TRAPPC9: variants seen among roughly 807,000 people sequenced by gnomAD.
TRAPPC9 encodes the protein trafficking protein particle complex subunit 9, also known as IKK2 binding protein.
Under a neutral mutation model 124.0 loss-of-function variants are expected in TRAPPC9, and 83 were observed. That is an observed-to-expected ratio of 0.67 (90% CI 0.56 to 0.80). The LOEUF (loss-of-function observed/expected upper bound fraction) is 0.80. TRAPPC9 is among the 30% of genes least tolerant of loss of function. The pLI is 0.00. For missense variants in TRAPPC9, 1,302 were observed against 1,508.3 expected, an observed-to-expected ratio of 0.86 and a Z score of 2.27; for synonymous variants, 638 against 617.5, an observed-to-expected ratio of 1.03 and a Z score of -0.49.
chr8:140,267,308 C>T (rs1024492919), intron 15 of TRAPPC9, among the ~76,000 whole-genome samples: 2 of 152,202 alleles, frequency 1.3e-5, no homozygotes, highest in East Asian at 1.9e-4. Context: ...GGCATGCAAA[C>T]GTGGTCTGCA....
intron 17 of TRAPPC9, among the ~76,000 whole-genome samples, chr8:140,116,452 T>A (rs1450282521): frequency 6.6e-6 from 1 of 152,202 alleles, no homozygotes; most frequent in East Asian, 1.9e-4. Flanking sequence ...AGCAGCCAAC[T>A]AAGCACTCAT....
intron 19 of TRAPPC9, among the ~76,000 whole-genome samples, chr8:139,923,216 T>G (rs1832615271): frequency 6.6e-6 from 1 of 152,208 alleles, no homozygotes; most frequent in Non-Finnish European, 1.5e-5. Flanking sequence ...TAAGTGGAGC[T>G]GAACCTATAC....
intron 21 of TRAPPC9, among the ~76,000 whole-genome samples, chr8:139,785,174 G>C (rs1173944996): frequency 6.6e-6 from 1 of 152,200 alleles, no homozygotes; most frequent in African/African-American, 2.4e-5. Flanking sequence ...ATTCAGTCAA[G>C]AAAAGACTGT....
intron 17 of TRAPPC9, among the ~76,000 whole-genome samples, chr8:140,204,052 T>C (rs1051239887): frequency 6.6e-6 from 1 of 152,090 alleles, no homozygotes; most frequent in South Asian, 2.1e-4. Flanking sequence ...TGACCTCCAA[T>C]GTTGGAGGTG....
At chr8:140,009,317 G>C (rs1838969821) in intron 18 of TRAPPC9, among the ~76,000 whole-genome samples, 2 of 152,206 alleles carry the variant, frequency 1.3e-5, no homozygotes, top group African/African-American at 4.8e-5. Context: ...GGACAAATGA[G>C]CACTGGCCCA....
At position 139,926,203 on chromosome 8, in the gene TRAPPC9, T is replaced by C. The variant is rs569114652; in HGVS notation, c.2811-15903A>G. ...GCAGCAGAGGCCTGGGGAGGTGAGCTTGAGGAGCTGAGATGTGACCTCCCA... is the reference window on the plus strand; with the variant it reads ...GCAGCAGAGGCCTGGGGAGGTGAGCCTGAGGAGCTGAGATGTGACCTCCCA... On this transcript the variant is annotated intron_variant, in intron 19 of 22. Transcript: ENST00000438773. Among the ~76,000 whole-genome samples the C allele has an allele frequency of 3.4e-3, 522 of 152,262 alleles. 2 individuals carry two copies. Among genetic ancestry groups the C allele is most frequent in the African/African-American group, 0.011 (469 of 41,546 alleles).
At chr8:140,299,795 A>AGT (rs2065914980) in intron 11 of TRAPPC9, among the ~76,000 whole-genome samples, 1 of 152,236 alleles carries the variant, frequency 6.6e-6, no homozygotes, top group Non-Finnish European at 1.5e-5. Context: ...GCTCAGACAC[A>AGT]GGAAAGCTCA....
At chr8:140,383,333 GAGA>G (rs1190011691) in intron 7 of TRAPPC9, among the ~76,000 whole-genome samples, 3 of 152,228 alleles carry the variant, frequency 2.0e-5, no homozygotes, top group Admixed American at 6.5e-5. Context: ...GATGAGTTGA[GAGA>G]AGAAGGCTTC....
intron 8 of TRAPPC9, among the ~76,000 whole-genome samples, chr8:140,368,075 GT>G (rs1225460504): frequency 3.3e-5 from 5 of 152,156 alleles, no homozygotes; most frequent in Admixed American, 2.0e-4. Flanking sequence ...CCCCGTCATG[GT>G]TTTTGGGGTT....
intron 18 of TRAPPC9, among the ~76,000 whole-genome samples, chr8:140,022,273 G>T (rs530476852): frequency 3.3e-5 from 5 of 152,260 alleles, no homozygotes; most frequent in Admixed American, 3.3e-4. Context: ...ACAGGGCTTG[G>T]GGACCACTTA....
At chr8:140,264,616 G>C (rs925470527) in intron 15 of TRAPPC9, among the ~76,000 whole-genome samples, 1 of 145,640 alleles carries the variant, frequency 6.9e-6, no homozygotes, top group Admixed American at 6.9e-5. Flanking sequence ...GGAAGGGAGA[G>C]AGAGAGAGAG....
chr8:140,056,688 A>G (rs185480627), intron 17 of TRAPPC9, among the ~76,000 whole-genome samples: 21 of 152,276 alleles, frequency 1.4e-4, no homozygotes, highest in African/African-American at 4.8e-4. Context: ...ATTTAAATTT[A>G]ATATCTAAAA....
At chr8:139,855,901 C>A (rs543426766) in intron 21 of TRAPPC9, among the ~76,000 whole-genome samples, 5 of 152,238 alleles carry the variant, frequency 3.3e-5, no homozygotes, top group African/African-American at 1.2e-4. Context: ...GGGTCCCCCA[C>A]AGAACTAGGG....
intron 19 of TRAPPC9, chr8:139,934,016 A>G (rs1002012817): frequency 6.6e-6 from 1 of 152,194 alleles, no homozygotes; most frequent in Non-Finnish European, 1.5e-5. Flanking sequence ...CATCCTGTCC[A>G]TATTTCTCCA....
chr8:139,980,710 C>T (rs771593862), intron 19 of TRAPPC9, among the ~76,000 whole-genome samples: 1 of 152,220 alleles, frequency 6.6e-6, no homozygotes, highest in African/African-American at 2.4e-5. Context: ...CAGCTCGGGG[C>T]GGAGTTGAGG....
intron 17 of TRAPPC9, among the ~76,000 whole-genome samples, chr8:140,177,553 C>T (rs1461531671): frequency 1.3e-5 from 2 of 151,960 alleles, no homozygotes. Flanking sequence ...ACTGTAGCTT[C>T]GTTGTCTGGG....
intron 21 of TRAPPC9, among the ~76,000 whole-genome samples, chr8:139,733,273 G>C (rs1347896845): frequency 6.6e-6 from 1 of 152,110 alleles, no homozygotes; most frequent in African/African-American, 2.4e-5. Flanking sequence ...AGGAGCCCTG[G>C]GTGGCTGGAG....
At chr8:140,373,741 T>G (rs911724901) in intron 7 of TRAPPC9, among the ~76,000 whole-genome samples, 1 of 152,260 alleles carries the variant, frequency 6.6e-6, no homozygotes, top group Non-Finnish European at 1.5e-5. Flanking sequence ...TTAGACGTTG[T>G]GGTGGCTTTA....
At position 140,165,575 on chromosome 8, in the gene TRAPPC9, G is replaced by GGGGAAGGGAAGGGGGAAGGA. The variant is rs562924361; in HGVS notation, c.2556+55864_2556+55883dup. On this transcript the variant is annotated intron_variant, in intron 17 of 22. Coordinates refer to ENST00000438773, the MANE Select transcript of TRAPPC9 (RefSeq NM_001160372.4). The stretch of plus-strand genomic sequence containing the variant: ...ATGAAAGAAAGGGAAGGGAAGAGGA[G>GGGGAAGGGAAGGGGGAAGGA]GGGAAGGGAAGGGGGAAGGAGGGAG... Among the ~76,000 whole-genome samples, 873 of 139,912 alleles carry GGGGAAGGGAAGGGGGAAGGA rather than the reference G, an allele frequency of 6.2e-3. 20 individuals are homozygous for GGGGAAGGGAAGGGGGAAGGA. Among genetic ancestry groups the GGGGAAGGGAAGGGGGAAGGA allele is most frequent in the African/African-American group, 0.022 (813 of 36,610 alleles). 91.8% of individuals were successfully genotyped at this position (139,912 alleles called of 152,430 possible).
Sources: allele counts gnomAD v4.1 joint callset (sites outside exome capture counted in the v4.1 genomes callset), GRCh38; gene constraint gnomAD v4.1.1; transcripts MANE v1.5; gene names NCBI Gene and HGNC (gene_info 2026-07-23, HGNC 2026-07-21).